The following TPM4 variants were observed in gnomAD, a reference collection of about 807,000 sequenced individuals.
The protein encoded by TPM4 is tropomyosin alpha-4 chain.
In TPM4, 17 loss-of-function variants were observed where a neutral mutation model predicts 35.8. The observed-to-expected ratio is 0.47, with a 90% confidence interval of 0.32 to 0.71. The LOEUF is 0.71. TPM4 is among the 30% of genes least tolerant of loss of function. The pLI, the probability that TPM4 is intolerant of heterozygous loss-of-function variation, is 0.03. For synonymous variants in TPM4, 120 were observed against 122.9 expected (o/e 0.98, Z 0.15); for missense variants, 240 against 320.9 (o/e 0.75, Z 1.93).
At chr19:16,083,615 T>C (rs551513518) in intron 2 of TPM4, among the ~76,000 whole-genome samples, 2 of 145,246 alleles carry the variant, frequency 1.4e-5, no homozygotes, top group African/African-American at 5.6e-5. Context: ...GCAGTCTGTG[T>C]GTGGTGGAAA....
intron 5 of TPM4, among the ~76,000 whole-genome samples, chr19:16,089,358 T>C (rs909183613): frequency 2.6e-5 from 4 of 152,146 alleles, no homozygotes; most frequent in African/African-American, 9.7e-5. Flanking sequence ...AGGATAGAGA[T>C]AGAACATGAG....
chr19:16,075,962 G>A (rs7260235), upstream of TPM4: 211,249 of 1,512,034 alleles, frequency 0.14, 15,983 homozygotes, highest in Admixed American at 0.29. Context: ...GAGGACTCTT[G>A]TGAATATTGG....
At chr19:16,076,397 G>C, upstream of TPM4, 1 of 1,379,442 alleles carries the variant, frequency 7.2e-7, no homozygotes, top group Non-Finnish European at 9.3e-7. Context: ...CGGTCCGGCC[G>C]GGTGACCTCA....
chr19:16,087,441 G>A (rs1011318882), intron 3 of TPM4, among the ~76,000 whole-genome samples: 12 of 152,308 alleles, frequency 7.9e-5, no homozygotes, highest in Middle Eastern at 3.4e-3. Flanking sequence ...GCCGGGCATG[G>A]TCGTGCATGC....
intron 2 of TPM4, among the ~76,000 whole-genome samples, chr19:16,084,087 C>T (rs1419175009): frequency 2.6e-5 from 4 of 152,164 alleles, no homozygotes; most frequent in African/African-American, 7.2e-5. Flanking sequence ...CCACCACACC[C>T]GGCTAATTTT....
chr19:16,076,817 CG>C, intron 1 of TPM4, 120 bp downstream of exon 1: 1 of 1,260,708 alleles, frequency 7.9e-7, no homozygotes, highest in Admixed American at 4.3e-5. Context: ...TTTACGCCCT[CG>C]GACGCCGATC....
At chr19:16,093,619 C>A (rs1295757216) in intron 6 of TPM4, 21 bp downstream of exon 6, 1 of 1,614,042 alleles carries the variant, frequency 6.2e-7, no homozygotes, top group Admixed American at 1.7e-5. Context: ...TGGCACCCAG[C>A]GAGCTCTGGT....
At chr19:16,075,959 CTT>C, upstream of TPM4, 2 of 1,509,190 alleles carry the variant, frequency 1.3e-6, no homozygotes, top group Middle Eastern at 2.3e-4. Context: ...ACGGAGGACT[CTT>C]GTGAATATTG....
intron 1 of TPM4, chr19:16,081,291 G>A: frequency 2.6e-6 from 1 of 386,228 alleles, no homozygotes; most frequent in Non-Finnish European, 4.6e-6. Flanking sequence ...CCTAACGTTG[G>A]GTCTATTGTG....
upstream of TPM4, among the ~76,000 whole-genome samples, chr19:16,072,766 G>C: frequency 6.6e-6 from 1 of 151,816 alleles, no homozygotes; most frequent in East Asian, 2.0e-4. Context: ...AATTAACTGG[G>C]CTTGGTGGCA....
chr19:16,076,776 G>T (rs2090412796), intron 1 of TPM4, 79 bp downstream of exon 1: 1 of 1,281,854 alleles, frequency 7.8e-7, no homozygotes, highest in Admixed American at 4.3e-5. Context: ...TTCCCGCGCT[G>T]CCCGCCCGCG....
intron 1 of TPM4, 170 bp downstream of exon 1, chr19:16,076,867 A>C (rs546997508): frequency 8.2e-7 from 1 of 1,225,596 alleles, no homozygotes; most frequent in Non-Finnish European, 1.0e-6. Flanking sequence ...AGGACCCCCT[A>C]CTTCCTCCGC....
In TPM4 at chr19:16,095,158, G is replaced by A. The variant is rs895925253; in HGVS notation, c.664+1405G>A. On this transcript the variant is annotated intron_variant, in intron 7 of 7. Transcript: ENST00000643579. Reference sequence around the variant, plus strand: ...CCTAGTCTGTGCTTTGTTTGCTCACGTGTTTTTTTCTTCCTCTTGTGGTTC... The same window carrying A: ...CCTAGTCTGTGCTTTGTTTGCTCACATGTTTTTTTCTTCCTCTTGTGGTTC... 45 of 645,892 alleles carry A rather than the reference G, an allele frequency of 7.0e-5. 1 individual carries two copies. Among genetic ancestry groups the A allele is most frequent in the Middle Eastern group, 7.2e-4 (1 of 1,398 alleles). The allele number at this position is 645,892 out of a possible 1,614,324, so 40.0% of individuals were successfully genotyped here.
At chr19:16,075,336 G>A (rs1020103816), upstream of TPM4, 1 of 152,062 alleles carries the variant, frequency 6.6e-6, no homozygotes, top group Non-Finnish European at 1.5e-5. Context: ...TGAAAATTTA[G>A]GGAAAGTAGG....
chr19:16,097,786 A>G (rs912224452), intron 7 of TPM4, among the ~76,000 whole-genome samples: 10 of 151,946 alleles, frequency 6.6e-5, no homozygotes, highest in African/African-American at 2.2e-4. Flanking sequence ...TTCGGTATCC[A>G]TTGTTATTCC....
At chr19:16,089,200 G>C in intron 5 of TPM4, 80 bp downstream of exon 5, 1 of 1,575,862 alleles carries the variant, frequency 6.3e-7, no homozygotes, top group Non-Finnish European at 8.7e-7. Flanking sequence ...GAGCCTGTCA[G>C]GTTATGGGGA....
intron 7 of TPM4, 139 bp from the exon 8 acceptor site, chr19:16,101,125 C>T (rs564177754): frequency 1.7e-5 from 10 of 575,234 alleles, no homozygotes; most frequent in East Asian, 6.9e-5. Flanking sequence ...GAGCCAAGAT[C>T]GCGCCACTGC....
At chr19:16,076,814 C>T (rs997295125) in intron 1 of TPM4, 117 bp downstream of exon 1, 175 of 1,261,136 alleles carry the variant, frequency 1.4e-4, no homozygotes, top group Non-Finnish European at 1.7e-4. Context: ...CTTTTTACGC[C>T]CTCGGACGCC....
intron 5 of TPM4, among the ~76,000 whole-genome samples, chr19:16,090,282 C>T (rs982039204): frequency 6.7e-6 from 1 of 148,392 alleles, no homozygotes; most frequent in East Asian, 1.9e-4. Context: ...TACTCCAAAA[C>T]TGTATTTTTT....
Sources: allele counts gnomAD v4.1 joint callset (sites outside exome capture counted in the v4.1 genomes callset), GRCh38; gene constraint gnomAD v4.1.1; transcripts MANE v1.5; gene names NCBI Gene and HGNC (gene_info 2026-07-23, HGNC 2026-07-21).